The following HPS3 variants were observed in gnomAD, a reference collection of about 807,000 sequenced individuals.
The protein encoded by HPS3 is HPS3 biogenesis of lysosomal organelles complex 2 subunit 1.
Under a neutral mutation model 110.9 loss-of-function variants are expected in HPS3, and 79 were observed. The observed-to-expected ratio is 0.71, with a 90% CI of 0.59 to 0.86. HPS3 has a LOEUF of 0.86. Ranked by LOEUF, HPS3 falls within the 40% of genes least tolerant of loss-of-function variation. HPS3 has a pLI of 0.00. For missense variants in HPS3, 1,197 were observed against 1,206.2 expected (o/e 0.99, Z 0.11); for synonymous variants, 428 against 451.0 (o/e 0.95, Z 0.65).
At chr3:149,165,786 G>T (rs1355815846) in intron 14 of HPS3, among the ~76,000 whole-genome samples, 1 of 152,032 alleles carries the variant, frequency 6.6e-6, no homozygotes, top group African/African-American at 2.4e-5. Context: ...CCATTATCTG[G>T]ATTAGTCAAG....
rs1481325082 is a variant in HPS3, at chr3:149,151,546, C to CAATAA, written c.1245+867_1245+871dup. 8.1e-5 allele frequency among the ~76,000 whole-genome samples: 9 copies of CAATAA among 111,352 alleles called. No homozygotes were observed. In the East Asian group the frequency reaches 2.8e-3, roughly 34 times the overall value. The allele number at this position is 111,352 out of a possible 152,430, so 73.1% of individuals were successfully genotyped here. On this transcript the variant is annotated intron_variant, in intron 6 of 16. Transcript: ENST00000296051. ...CGAAGAGTTAATGGTTATGGTAGAT[C>CAATAA]AATAATCTCATTTTTAGTGAGAAGT...
Position 149,172,318 on chromosome 3 carries a change from TCACACACACACACACA to T in HPS3, c.*119_*134del. ...GTAGAGGAGTTTTTTATTTTATATA[TCACACACACACACACA>T]CACACACACACACACACACACATAT... On this transcript the variant is annotated 3_prime_UTR_variant, in exon 17 of 17. Coordinates refer to ENST00000296051, the MANE Select transcript of HPS3 (RefSeq NM_032383.5). 1.7e-5 allele frequency: 10 copies of T among 571,946 alleles called. No homozygotes were observed. Among genetic ancestry groups the T allele is most frequent in the East Asian group, 1.5e-4 (4 of 27,158 alleles). 35.4% of individuals were successfully genotyped at this position (571,946 alleles called of 1,614,324 possible). A position where few individuals can be genotyped will look rare whatever the true frequency, so the allele number is the denominator to read the frequency against.
chr3:149,137,381 A>G (rs1722172863), intron 1 of HPS3, among the ~76,000 whole-genome samples: 1 of 152,214 alleles, frequency 6.6e-6, no homozygotes, highest in Non-Finnish European at 1.5e-5. Flanking sequence ...GTAGGAATGT[A>G]AAATAACACA....
At chr3:149,153,184 C>T (rs926929051) in intron 6 of HPS3, among the ~76,000 whole-genome samples, 4 of 152,308 alleles carry the variant, frequency 2.6e-5, no homozygotes, top group African/African-American at 9.6e-5. Context: ...TGGAGCCACT[C>T]TGTGGGGCAC....
chr3:149,138,920 T>C (rs929064220), intron 1 of HPS3, among the ~76,000 whole-genome samples: 1 of 152,236 alleles, frequency 6.6e-6, no homozygotes, highest in Non-Finnish European at 1.5e-5. Flanking sequence ...GCACTGCTGC[T>C]GGTAACATGA....
chr3:149,166,361 A>G (rs1724414977), intron 14 of HPS3, among the ~76,000 whole-genome samples: 1 of 152,198 alleles, frequency 6.6e-6, no homozygotes, highest in Non-Finnish European at 1.5e-5. Context: ...AAACTACAGG[A>G]AGGGGTGTAA....
intron 11 of HPS3, among the ~76,000 whole-genome samples, 169 bp from the exon 12 acceptor site, chr3:149,161,979 G>C (rs1723907305): frequency 6.6e-6 from 1 of 152,238 alleles, no homozygotes; most frequent in African/African-American, 2.4e-5. Flanking sequence ...AAGACAGTCA[G>C]TGGTGTCCTT....
intron 1 of HPS3, among the ~76,000 whole-genome samples, chr3:149,138,292 A>G (rs1181823222): frequency 2.0e-5 from 3 of 152,222 alleles, no homozygotes; most frequent in East Asian, 1.9e-4. Flanking sequence ...TGCTTGCCTC[A>G]TAAGTACATG....
chr3:149,171,898 G>A (rs1020762037), intron 16 of HPS3, among the ~76,000 whole-genome samples, 197 bp from the exon 17 acceptor site: 2 of 151,786 alleles, frequency 1.3e-5, no homozygotes, highest in Middle Eastern at 3.2e-3. Flanking sequence ...GTAGAGACAG[G>A]GTTTCACCAT....
chr3:149,160,349 C>T, intron 11 of HPS3, 70 bp downstream of exon 11: 1 of 971,562 alleles, frequency 1.0e-6, no homozygotes, highest in South Asian at 1.3e-5. Context: ...GTTTAGCTGT[C>T]TTCTGGCTTC....
rs768593961 is a variant in HPS3, at chr3:149,145,417, T to C, written c.1034T>C (p.Phe345Ser). 6.2e-7 allele frequency: 1 copy of C among 1,613,992 alleles called. No individual in the cohort carries two copies. Among genetic ancestry groups the C allele is most frequent in the Non-Finnish European group, 8.5e-7 (1 of 1,179,992 alleles). ...QEKELLSLFC[F>S]FSLPHVGYLY... ...AAAGAATTGCTGAGTCTCTTTTGCTTTTTCTCCTTACCTCATGTGGGCTAT... is the reference window on the plus strand; with the variant it reads ...AAAGAATTGCTGAGTCTCTTTTGCTCTTTCTCCTTACCTCATGTGGGCTAT... Residue 345 changes from phenylalanine to serine, a missense_variant, in exon 5 of 17, where the codon TTT (phenylalanine) becomes TCT (serine). By Grantham distance (155) the Phe-to-Ser change is radical. Coordinates refer to ENST00000296051, the MANE Select transcript of HPS3 (RefSeq NM_032383.5).
At chr3:149,168,435 A>G (rs1201840949) in intron 16 of HPS3, 1 of 177,126 alleles carries the variant, frequency 5.6e-6, no homozygotes, top group African/African-American at 2.4e-5. Flanking sequence ...ACAGCATAGT[A>G]GTTATTTGAA....
chr3:149,156,793 G>A (rs1373435782), intron 8 of HPS3, among the ~76,000 whole-genome samples: 2 of 152,040 alleles, frequency 1.3e-5, no homozygotes, highest in Non-Finnish European at 2.9e-5. Flanking sequence ...TGTCTTTTCA[G>A]TCTTGCTTAA....
intron 10 of HPS3, among the ~76,000 whole-genome samples, chr3:149,159,438 C>G (rs1479780116): frequency 1.3e-5 from 2 of 152,088 alleles, no homozygotes; most frequent in Non-Finnish European, 2.9e-5. Flanking sequence ...TGGCATACAC[C>G]TGTAGTTCCA....
Position 149,129,666 on chromosome 3 carries a change from C to T in HPS3, c.-58C>T, listed in dbSNP as rs1247678275. 6.7e-6 allele frequency: 9 copies of T among 1,336,610 alleles called. No individual in the cohort carries two copies. In the Admixed American group the frequency reaches 1.8e-4, roughly 27 times the overall value. The allele number at this position is 1,336,610 out of a possible 1,614,324, so 82.8% of individuals were successfully genotyped here. On this transcript the variant is annotated 5_prime_UTR_variant, in exon 1 of 17. Coordinates refer to ENST00000296051, the MANE Select transcript of HPS3 (RefSeq NM_032383.5). The stretch of plus-strand genomic sequence containing the variant: ...AGTAGTCCTACATTCGCGGTCAGCG[C>T]GGGGTCTCCGGGCGCCCTGCAGGGC...
chr3:149,162,098 A>G, intron 11 of HPS3, 50 bp from the exon 12 acceptor site: 1 of 1,435,772 alleles, frequency 7.0e-7, no homozygotes, highest in South Asian at 1.1e-5. Flanking sequence ...TAAAATGGAC[A>G]ATCTAAATAC....
chr3:149,158,213 C>A (rs1490965098), intron 9 of HPS3, among the ~76,000 whole-genome samples: 1 of 152,168 alleles, frequency 6.6e-6, no homozygotes, highest in Non-Finnish European at 1.5e-5. Flanking sequence ...TTCAGACTTA[C>A]TTGATCCACA....
At chr3:149,159,996 T>C in intron 10 of HPS3, 50 bp from the exon 11 acceptor site, 2 of 1,370,214 alleles carry the variant, frequency 1.5e-6, no homozygotes, top group South Asian at 1.2e-5. Context: ...TGTTGCTTTC[T>C]TCTGGCTGAC....
intron 10 of HPS3, among the ~76,000 whole-genome samples, chr3:149,159,254 A>G (rs1431508582): frequency 6.6e-6 from 1 of 152,154 alleles, no homozygotes; most frequent in Non-Finnish European, 1.5e-5. Flanking sequence ...CCAGTGACCT[A>G]AAGACATTAT....
Sources: allele counts gnomAD v4.1 joint callset (sites outside exome capture counted in the v4.1 genomes callset), GRCh38; gene constraint gnomAD v4.1.1; transcripts MANE v1.5; gene names NCBI Gene and HGNC (gene_info 2026-07-23, HGNC 2026-07-21).